SLC30A5: variants seen among roughly 807,000 people sequenced by gnomAD.
SLC30A5 encodes proton-coupled zinc antiporter SLC30A5.
SLC30A5 carries 33 observed loss-of-function variants against 79.6 expected under a neutral mutation model. The ratio of observed to expected loss-of-function variants is 0.41; its 90% CI spans 0.31 to 0.55. The LOEUF is 0.55. Ranked by LOEUF, SLC30A5 falls within the 20% of genes least tolerant of loss-of-function variation. SLC30A5 has a pLI of 0.20. For synonymous variants in SLC30A5, 299 were observed against 319.7 expected (o/e 0.94, Z 0.69); for missense variants, 788 against 928.1 (o/e 0.85, Z 1.96).
Position 69,114,956 on chromosome 5 carries a change from T to A in SLC30A5, c.613-281T>A, listed in dbSNP as rs527637975. 2.7e-3 allele frequency among the ~76,000 whole-genome samples: 411 copies of A among 152,180 alleles called. 1 individual carries two copies. The highest frequency in any genetic ancestry group is 4.6e-3 in the Non-Finnish European group (314 of 68,006). On this transcript the variant is annotated intron_variant, in intron 7 of 15. Coordinates refer to ENST00000396591, the MANE Select transcript of SLC30A5 (RefSeq NM_022902.5). Reference sequence around the variant, plus strand: ...AATTGAGTATATGGGAAAAATATACTAGTTCCATTTCCTTAAATATTATGT... The same window carrying A: ...AATTGAGTATATGGGAAAAATATACAAGTTCCATTTCCTTAAATATTATGT...
At chr5:69,127,409 G>T (rs924161268) in intron 14 of SLC30A5, among the ~76,000 whole-genome samples, 1 of 149,670 alleles carries the variant, frequency 6.7e-6, no homozygotes, top group Non-Finnish European at 1.5e-5. Context: ...TGGGTGGATT[G>T]CCTGAACTCA....
chr5:69,099,139 G>A (rs1745833079), intron 1 of SLC30A5, among the ~76,000 whole-genome samples: 1 of 152,158 alleles, frequency 6.6e-6, no homozygotes, highest in African/African-American at 2.4e-5. Flanking sequence ...GCAAAGGATT[G>A]TTTACCACAT....
chr5:69,127,853 G>T (rs1746744559), intron 14 of SLC30A5, 151 bp from the exon 15 acceptor site: 5 of 582,300 alleles, frequency 8.6e-6, no homozygotes, highest in South Asian at 2.3e-5. Context: ...ATTATGGCTG[G>T]TTTTTTGTTT....
rs766478277 is a variant in SLC30A5, at chr5:69,129,467, T to A, written c.2148T>A (p.Asp716Glu). The change falls in exon 16 of 16, where the codon GAT becomes GAA. Residue 716 changes from aspartate to glutamate, a missense_variant. Physicochemically the swap from Asp to Glu is conservative, Grantham distance 45. This residue lies in a region of SLC30A5 where 158 missense variants were observed against 156.2 expected (regional missense o/e 1.01). Coordinates refer to ENST00000396591, the MANE Select transcript of SLC30A5 (RefSeq NM_022902.5). ...IVQQVTGILK[D>E]AGVNNLTIQV... ...AACAGGTTACAGGAATACTTAAAGATGCTGGAGTAAACAATTTAACAATTC... is the reference window on the plus strand; with the variant it reads ...AACAGGTTACAGGAATACTTAAAGAAGCTGGAGTAAACAATTTAACAATTC... 3 of 1,612,482 alleles carry A rather than the reference T, an allele frequency of 1.9e-6. No homozygotes were observed. Among genetic ancestry groups the A allele is most frequent in the Non-Finnish European group, 2.5e-6 (3 of 1,179,560 alleles).
Position 69,116,674 on chromosome 5 carries a change from T to G in SLC30A5, c.1281+72T>G. Reference sequence around the variant, plus strand: ...TTAATTTTGACAGTTCTGGTATAAGTTTAGTACTTCCCAAATTTCTGATAA... The same window carrying G: ...TTAATTTTGACAGTTCTGGTATAAGGTTAGTACTTCCCAAATTTCTGATAA... On this transcript the variant is annotated intron_variant, in intron 10 of 15. Transcript: ENST00000396591. The surrounding 1 kb of genome is among the most constrained non-coding windows in gnomAD (Gnocchi z 4.0). 2.9e-6 allele frequency: 3 copies of G among 1,027,220 alleles called. No individual in the cohort carries two copies. The South Asian group carries it at 7.3e-5, about 25-fold the overall frequency. 63.6% of individuals were successfully genotyped at this position (1,027,220 alleles called of 1,614,324 possible). A position where few individuals can be genotyped will look rare whatever the true frequency, so the allele number is the denominator to read the frequency against.
Position 69,119,342 on chromosome 5 carries a change from T to A in SLC30A5, c.1569+714T>A, listed in dbSNP as rs1270463340. ...GCCTGCCTAATTTTTGGAAATACTT[T>A]CTTTTAATCCCCCTCTTCTCTCCAC... On this transcript the variant is annotated intron_variant, in intron 12 of 15. Coordinates refer to ENST00000396591, the MANE Select transcript of SLC30A5 (RefSeq NM_022902.5). Among the ~76,000 whole-genome samples, 9 of 152,190 alleles carry A rather than the reference T, an allele frequency of 5.9e-5. No individual in the cohort carries two copies. In the East Asian group the frequency reaches 1.7e-3, roughly 29 times the overall value.
intron 1 of SLC30A5, 68 bp downstream of exon 1, chr5:69,094,406 C>G: frequency 1.6e-6 from 2 of 1,238,402 alleles, no homozygotes; most frequent in Non-Finnish European, 2.0e-6. Flanking sequence ...CGGCCTCCCT[C>G]CGGTCTCCGC....
At position 69,100,831 on chromosome 5, in the gene SLC30A5, A is replaced by G. The variant is rs1456876924; in HGVS notation, c.108A>G (p.Leu36=). 2.5e-6 allele frequency: 4 copies of G among 1,602,306 alleles called. No homozygotes were observed. The highest frequency in any genetic ancestry group is 3.4e-6 in the Non-Finnish European group (4 of 1,170,586). The change falls in exon 2 of 16, where the codon CTA becomes CTG. Residue 36 remains leucine (L), a synonymous_variant. Transcript: ENST00000396591. ...GATTAACAAAATATATTGTGTTACT[A>G]TGTTTCACTAAATTTTTGAAGGCTG... The part of the protein sequence containing the change: ...SARLTKYIVL[L]CFTKFLKAVG...
rs1209341618 is a variant in SLC30A5, at chr5:69,130,661, A to G, written c.*1044A>G. ...CATGAAATCAAAATACCCTATAACT[A>G]CTTTCTATAGTCATATCTAATTTAT... On this transcript the variant is annotated 3_prime_UTR_variant, in exon 16 of 16. Transcript: ENST00000396591. The G allele has an allele frequency of 1.3e-5, 2 of 152,202 alleles. No individual in the cohort carries two copies. The highest frequency in any genetic ancestry group is 2.4e-5 in the African/African-American group (1 of 41,462). The allele number at this position is 152,202 out of a possible 1,614,324, so 9.4% of individuals were successfully genotyped here. A position where few individuals can be genotyped will look rare whatever the true frequency, so the allele number is the denominator to read the frequency against.
chr5:69,116,692 T>C lies in SLC30A5; in HGVS notation c.1281+90T>C. 1.2e-6 allele frequency: 1 copy of C among 831,792 alleles called. No individual in the cohort carries two copies. The highest frequency in any genetic ancestry group is 1.7e-6 in the Non-Finnish European group (1 of 586,072). 51.5% of individuals were successfully genotyped at this position (831,792 alleles called of 1,614,324 possible). A position where few individuals can be genotyped will look rare whatever the true frequency, so the allele number is the denominator to read the frequency against. On this transcript the variant is annotated intron_variant, in intron 10 of 15. Transcript: ENST00000396591. This position sits in a 1 kb window ranked among gnomAD's most constrained non-coding sequence, Gnocchi z 4.0. ...GTATAAGTTTAGTACTTCCCAAATT[T>C]CTGATAATAAGATGAGCTAAAATTT...
At chr5:69,113,379 A>G (rs1197218910) in intron 6 of SLC30A5, 152 bp downstream of exon 6, 1 of 537,452 alleles carries the variant, frequency 1.9e-6, no homozygotes, top group African/African-American at 2.0e-5. Flanking sequence ...CAGTATTCAA[A>G]TAATGAACAA....
In SLC30A5 at chr5:69,094,100, A is replaced by C. The variant is rs1270013922; in HGVS notation, c.-156A>C. 2.4e-6 allele frequency: 1 copy of C among 413,688 alleles called. No homozygotes were observed. Among genetic ancestry groups the C allele is most frequent in the Non-Finnish European group, 4.3e-6 (1 of 233,308 alleles). 25.6% of individuals were successfully genotyped at this position (413,688 alleles called of 1,614,324 possible). A position where few individuals can be genotyped will look rare whatever the true frequency, so the allele number is the denominator to read the frequency against. On this transcript the variant is annotated 5_prime_UTR_variant, in exon 1 of 16. Transcript: ENST00000396591. The stretch of plus-strand genomic sequence containing the variant: ...CGACGCGTGTGTGCTAGTGAGCCGG[A>C]GCCGGCGACGGCGGCAGTGGCGGCC...
rs1746385340 is a variant in SLC30A5, at chr5:69,116,823, G to A, written c.1281+221G>A. ...GCCCAGCCACTTAAGCAAACAATTT[G>A]TGAGGCATTTTAGAAGCATTGATTT... On this transcript the variant is annotated intron_variant, in intron 10 of 15. Transcript: ENST00000396591. The surrounding 1 kb of genome is among the most constrained non-coding windows in gnomAD (Gnocchi z 4.0). 1.3e-5 allele frequency among the ~76,000 whole-genome samples: 2 copies of A among 152,094 alleles called. No homozygotes were observed. Among genetic ancestry groups the A allele is most frequent in the Non-Finnish European group, 2.9e-5 (2 of 68,032 alleles).
Position 69,094,183 on chromosome 5 carries a change from C to G in SLC30A5, c.-73C>G, listed in dbSNP as rs538618301. ...TGGGGGAGTGACGCGCCTGCACCCG[C>G]TGTTCCGCGGCAGCGGCGAGACATG... On this transcript the variant is annotated 5_prime_UTR_variant, in exon 1 of 16. Transcript: ENST00000396591. The G allele has an allele frequency of 3.8e-6, 3 of 796,196 alleles. No individual in the cohort carries two copies. The highest frequency in any genetic ancestry group is 3.6e-5 in the African/African-American group (2 of 55,954). 49.3% of individuals were successfully genotyped at this position (796,196 alleles called of 1,614,324 possible).
rs34836340 is a variant in SLC30A5 at position 69,120,389 on chromosome 5, GA to G, written c.1570-1293del. Among the ~76,000 whole-genome samples the G allele has an allele frequency of 9.2e-4, 135 of 146,714 alleles. 1 individual carries two copies. In the East Asian group the frequency reaches 0.01, roughly 11 times the overall value. ...ACAGAGCAAAACTCTGTCTCAAAATGAAAAAAAAAAAATTGTAAAATAGTAT... is the reference window on the plus strand; with the variant it reads ...ACAGAGCAAAACTCTGTCTCAAAATGAAAAAAAAAAATTGTAAAATAGTAT... On this transcript the variant is annotated intron_variant, in intron 12 of 15. Transcript: ENST00000396591.
rs1746374316 is a variant in SLC30A5 at position 69,116,399 on chromosome 5, A to T, written c.1078A>T (p.Asn360Tyr). ...VSAIFFILSA[N>Y]ILSSPSKRGQ... ...ATTGTTTTTTCTCTTTGTAGCTGCC[A>T]ATATCTTATCATCTCCCTCTAAGAG... The change falls in exon 10 of 16, where the codon AAT (asparagine) becomes TAT (tyrosine). Residue 360 changes from asparagine to tyrosine, a missense_variant. Physicochemically the swap from Asn to Tyr is moderately radical, Grantham distance 143 (BLOSUM62 -2). This residue lies in a region of SLC30A5 where 626 missense variants were observed against 755.5 expected (regional missense o/e 0.83). Transcript: ENST00000396591. The surrounding 1 kb of genome is among the most constrained non-coding windows in gnomAD (Gnocchi z 4.0). 1 of 1,576,852 alleles carries T rather than the reference A, an allele frequency of 6.3e-7. No homozygotes were observed.
intron 5 of SLC30A5, among the ~76,000 whole-genome samples, chr5:69,112,567 C>T (rs548168564): frequency 5.3e-5 from 8 of 150,420 alleles, no homozygotes; most frequent in African/African-American, 7.4e-5. Flanking sequence ...GCTGTGTTCA[C>T]GCCACTGTAC....
intron 4 of SLC30A5, among the ~76,000 whole-genome samples, chr5:69,105,831 C>T (rs1036856054): frequency 1.3e-5 from 2 of 152,210 alleles, no homozygotes; most frequent in African/African-American, 4.8e-5. Context: ...ATTAGATTCT[C>T]ATGGGAGCAG....
chr5:69,107,963 C>A (rs1349544496), intron 4 of SLC30A5, among the ~76,000 whole-genome samples: 2 of 152,168 alleles, frequency 1.3e-5, no homozygotes, highest in Non-Finnish European at 2.9e-5. Flanking sequence ...GATCTTTTGA[C>A]CTCGTGATCC....
Sources: gnomAD v4.1 joint callset for allele counts (sites outside exome capture counted in the v4.1 genomes callset) on GRCh38, gnomAD v4.1.1 for gene constraint, gnomAD v4.1.1 regional missense constraint, Gnocchi (gnomAD v3.1) non-coding constraint, MANE v1.5 for transcripts, NCBI Gene and HGNC (gene_info 2026-07-23, HGNC 2026-07-21) for gene names.